BBS9: variants seen among roughly 807,000 people sequenced by gnomAD.
BBS9 encodes the protein Bardet-Biedl syndrome 9, also known as protein PTHB1.
BBS9 carries 89 observed loss-of-function variants against 117.7 expected under a neutral mutation model. The ratio of observed to expected loss-of-function variants is 0.76; its 90% CI spans 0.64 to 0.90. The LOEUF is 0.90. Ranked by LOEUF, BBS9 falls within the 40% of genes least tolerant of loss-of-function variation. The probability of loss-of-function intolerance (pLI) is 0.00; values close to 1 mark genes in which losing one functional copy is unlikely to be tolerated. For synonymous variants in BBS9, 379 were observed against 370.9 expected (o/e 1.02, Z -0.25); for missense variants, 982 against 1,042.2 (o/e 0.94, Z 0.80).
chr7:33,358,469 C>CG, intron 16 of BBS9, among the ~76,000 whole-genome samples: 3 of 151,940 alleles, frequency 2.0e-5, no homozygotes, highest in East Asian at 3.9e-4. Flanking sequence ...ATTCTGCTGT[C>CG]TACAGCAGCT....
intron 17 of BBS9, 124 bp downstream of exon 17, chr7:33,367,986 C>G: frequency 1.3e-6 from 1 of 796,614 alleles, no homozygotes; most frequent in East Asian, 2.7e-5. Context: ...TAACTAAAAG[C>G]CATGATATTA....
intron 21 of BBS9, among the ~76,000 whole-genome samples, chr7:33,536,554 A>T (rs1851397802): frequency 6.6e-6 from 1 of 152,070 alleles, no homozygotes; most frequent in Non-Finnish European, 1.5e-5. Context: ...GGTTACTGGA[A>T]GGGTTAGATC....
intron 21 of BBS9, among the ~76,000 whole-genome samples, chr7:33,583,171 C>T (rs566453644): frequency 5.9e-5 from 9 of 152,140 alleles, no homozygotes; most frequent in Non-Finnish European, 1.2e-4. Context: ...AAGCATTTAG[C>T]ACCATGCCTG....
At chr7:33,555,708 C>A (rs552598748) in intron 21 of BBS9, among the ~76,000 whole-genome samples, 2 of 152,214 alleles carry the variant, frequency 1.3e-5, no homozygotes, top group South Asian at 4.2e-4. Flanking sequence ...TGTCATTCAT[C>A]AAGAAGACAT....
At chr7:33,138,849 A>C (rs190863214) in intron 1 of BBS9, among the ~76,000 whole-genome samples, 2 of 150,992 alleles carry the variant, frequency 1.3e-5, no homozygotes, top group East Asian at 4.4e-4. Flanking sequence ...TTGGCCTCTC[A>C]AAGTGCTGGC....
intron 19 of BBS9, among the ~76,000 whole-genome samples, chr7:33,434,790 A>G (rs529044823): frequency 3.7e-4 from 57 of 152,186 alleles, no homozygotes; most frequent in Non-Finnish European, 6.5e-4. Context: ...TGCTGCTCAT[A>G]TGCTTATTTG....
intron 4 of BBS9, among the ~76,000 whole-genome samples, chr7:33,157,942 T>C (rs1794328567): frequency 6.6e-6 from 1 of 152,214 alleles, no homozygotes; most frequent in African/African-American, 2.4e-5. Flanking sequence ...GCATCTCAGA[T>C]TTCTTTCTGA....
intron 22 of BBS9, 67 bp downstream of exon 22, chr7:33,605,042 T>C (rs1252984594): frequency 1.3e-6 from 2 of 1,497,594 alleles, no homozygotes; most frequent in East Asian, 4.5e-5. Context: ...GGTCAGTTTT[T>C]GTCATACCAG....
chr7:33,278,355 C>G (rs571169099), intron 9 of BBS9, among the ~76,000 whole-genome samples: 2 of 152,280 alleles, frequency 1.3e-5, no homozygotes, highest in South Asian at 4.1e-4. Flanking sequence ...CCTGATTGGG[C>G]TTCCAAGGCT....
chr7:33,145,729 G>A (rs1338244317), intron 1 of BBS9, among the ~76,000 whole-genome samples: 2 of 152,164 alleles, frequency 1.3e-5, no homozygotes, highest in African/African-American at 4.8e-5. Context: ...CTGTGGATAT[G>A]GAAGACTGAC....
chr7:33,239,207 A>C (rs954239403), intron 5 of BBS9, among the ~76,000 whole-genome samples: 3 of 152,088 alleles, frequency 2.0e-5, no homozygotes, highest in African/African-American at 7.2e-5. Context: ...ATAATTTATA[A>C]TAATAATAAA....
chr7:33,419,535 A>G (rs558207284), intron 19 of BBS9, among the ~76,000 whole-genome samples: 3 of 152,282 alleles, frequency 2.0e-5, no homozygotes, highest in East Asian at 3.9e-4. Context: ...TCTTATAATA[A>G]TAAAATGTCG....
intron 5 of BBS9, among the ~76,000 whole-genome samples, chr7:33,204,665 G>C (rs1324227015): frequency 1.3e-5 from 2 of 152,066 alleles, no homozygotes; most frequent in Admixed American, 1.3e-4. Flanking sequence ...AGTCCAATCA[G>C]TTACCTTATT....
chr7:33,512,711 A>G (rs1333816268), intron 20 of BBS9, among the ~76,000 whole-genome samples: 2 of 152,244 alleles, frequency 1.3e-5, no homozygotes, highest in African/African-American at 2.4e-5. Flanking sequence ...TTTTAGAAAC[A>G]TATACATGGA....
intron 21 of BBS9, among the ~76,000 whole-genome samples, chr7:33,579,246 C>T (rs571276479): frequency 1.3e-5 from 2 of 152,308 alleles, no homozygotes; most frequent in East Asian, 3.9e-4. Flanking sequence ...CCACTTCATC[C>T]TCTGAAACAC....
chr7:33,153,818 C>T (rs945376966), intron 3 of BBS9, among the ~76,000 whole-genome samples: 3 of 152,166 alleles, frequency 2.0e-5, no homozygotes, highest in Middle Eastern at 3.4e-3. Context: ...ATTTTGTGAC[C>T]GAAGTGGTTG....
At chr7:33,560,388 AT>A (rs1855913813) in intron 21 of BBS9, among the ~76,000 whole-genome samples, 1 of 152,136 alleles carries the variant, frequency 6.6e-6, no homozygotes, top group African/African-American at 2.4e-5. Flanking sequence ...AAATGAAGAC[AT>A]TTTTTCCAAT....
intron 2 of BBS9, among the ~76,000 whole-genome samples, chr7:33,151,529 C>A (rs1793306144): frequency 6.6e-6 from 1 of 151,686 alleles, no homozygotes; most frequent in Non-Finnish European, 1.5e-5. Context: ...CAGGATTATA[C>A]CTCTCTCATA....
At chr7:33,365,360 G>A (rs1821484113) in intron 16 of BBS9, among the ~76,000 whole-genome samples, 1 of 152,198 alleles carries the variant, frequency 6.6e-6, no homozygotes, top group Admixed American at 6.5e-5. Flanking sequence ...GGTGCTGGCA[G>A]TATGAGATGT....
Sources: allele counts gnomAD v4.1 joint callset (sites outside exome capture counted in the v4.1 genomes callset), GRCh38; gene constraint gnomAD v4.1.1; transcripts MANE v1.5; gene names NCBI Gene and HGNC (gene_info 2026-07-23, HGNC 2026-07-21).